PIDD1: variants seen among roughly 807,000 people sequenced by gnomAD.
PIDD1 encodes p53-induced death domain-containing protein 1.
A neutral mutation model predicts 80.0 loss-of-function variants in PIDD1; 72 were observed. The ratio of observed to expected loss-of-function variants is 0.90; its 90% CI spans 0.74 to 1.09. The LOEUF is 1.09. PIDD1 is among the 50% of genes least tolerant of loss of function. The pLI, the probability that PIDD1 is intolerant of heterozygous loss-of-function variation, is 0.00. For synonymous variants in PIDD1, 655 were observed against 543.5 expected (o/e 1.21, Z -2.85); for missense variants, 1,329 against 1,228.3 (o/e 1.08, Z -1.23).
In PIDD1 at chr11:805,164, C is replaced by G; in HGVS notation, c.-76+15G>C. ...GTCCCCGCCGCCCCCTCCGCCCGCC[C>G]AGGCCGGCGCGTACCTGCGCTGCAG... On this transcript the variant is annotated intron_variant, in intron 1 of 15. Transcript: ENST00000347755. 4 of 978,782 alleles carry G rather than the reference C, an allele frequency of 4.1e-6. No individual in the cohort carries two copies. The highest frequency in any genetic ancestry group is 4.9e-6 in the Non-Finnish European group (4 of 823,930). 60.6% of individuals were successfully genotyped at this position (978,782 alleles called of 1,614,324 possible). A position where few individuals can be genotyped will look rare whatever the true frequency, so the allele number is the denominator to read the frequency against.
In PIDD1 at chr11:804,362, C is replaced by CTCTG; in HGVS notation, c.23_26dup (p.Glu9AspfsTer155). The stretch of plus-strand genomic sequence containing the variant: ...CTCCTGCGGCAGCAGCTGCCTCCAG[C>CTCTG]TCTGGCCCCTCCACCGTTGCAGCCA... On this transcript the variant is annotated frameshift_variant, in exon 2 of 16. Coordinates refer to ENST00000347755, the MANE Select transcript of PIDD1 (RefSeq NM_145886.4). LOFTEE classifies it high-confidence loss of function. 6.2e-7 allele frequency: 1 copy of CTCTG among 1,601,832 alleles called. No homozygotes were observed. The highest frequency in any genetic ancestry group is 8.5e-7 in the Non-Finnish European group (1 of 1,172,678).
rs201616490 is a variant in PIDD1 at position 803,416 on chromosome 11, G to C, written c.467C>G (p.Ser156Cys). The C allele has an allele frequency of 8.8e-5, 142 of 1,613,974 alleles. No individual in the cohort carries two copies. Among genetic ancestry groups the C allele is most frequent in the Middle Eastern group, 6.6e-4 (4 of 6,062 alleles). Reference sequence around the variant, plus strand: ...AGGCAGCTCAGAGAGGCAGTTGTGAGACAGCAAGAGCGCACCCAGACCTCG... The same window carrying C: ...AGGCAGCTCAGAGAGGCAGTTGTGACACAGCAAGAGCGCACCCAGACCTCG... ...QMRGLGALLL[S>C]HNCLSELPEA... The change falls in exon 3 of 16, where the codon TCT becomes TGT. Residue 156 changes from serine to cysteine, a missense_variant. Ser to Cys is a moderately radical substitution (Grantham distance 112). Transcript: ENST00000347755.
At chr11:808,772 C>CA (rs916300102), upstream of PIDD1, among the ~76,000 whole-genome samples, 43 of 152,132 alleles carry the variant, frequency 2.8e-4, no homozygotes, top group African/African-American at 9.9e-4. Context: ...TGACCCTGAG[C>CA]AAAAAAACCT....
At position 801,483 on chromosome 11, in the gene PIDD1, G is replaced by T; in HGVS notation, c.1444C>A (p.Pro482Thr). Residue 482 changes from proline to threonine, a missense_variant, in exon 8 of 16, where the codon CCT becomes ACT. Physicochemically the swap from Pro to Thr is conservative, Grantham distance 38 (BLOSUM62 -1). Transcript: ENST00000347755. Reference sequence around the variant, plus strand: ...CGACGAGGCTCCTCAGTGGCCCCAGGGGGGAAGATGACTTTGACCCCAGGA... The same window carrying T: ...CGACGAGGCTCCTCAGTGGCCCCAGTGGGGAAGATGACTTTGACCCCAGGA... ...GHPGVKVIFP[P>T]GATEEPRRVS... 1 of 1,546,798 alleles carries T rather than the reference G, an allele frequency of 6.5e-7. No homozygotes were observed.
In PIDD1 at chr11:802,592, C is replaced by T; in HGVS notation, c.925G>A (p.Ala309Thr). The change falls in exon 5 of 16, where the codon GCC (alanine) becomes ACC (threonine). Residue 309 changes from alanine (A) to threonine (T), a missense_variant. By Grantham distance (58) the Ala-to-Thr change is moderately conservative. Coordinates refer to ENST00000347755, the MANE Select transcript of PIDD1 (RefSeq NM_145886.4). Reference sequence around the variant, plus strand: ...AGTCTGGGCATTTCTGGAATGAGGGCTGCCACTGTGCAGGGGACAGACATG... The same window carrying T: ...AGTCTGGGCATTTCTGGAATGAGGGTTGCCACTGTGCAGGGGACAGACATG... ...SPDAPSSPVA[A>T]LIPEMPRLFL... The T allele has an allele frequency of 1.2e-6, 2 of 1,613,184 alleles. No individual in the cohort carries two copies. The highest frequency in any genetic ancestry group is 1.7e-6 in the Non-Finnish European group (2 of 1,179,698).
At chr11:804,070 G>A in intron 2 of PIDD1, 24 bp downstream of exon 2, 1 of 1,578,688 alleles carries the variant, frequency 6.3e-7, no homozygotes, top group Non-Finnish European at 8.6e-7. Context: ...GATGGAGACA[G>A]GGCCCAGAAC....
Position 802,722 on chromosome 11 carries a change from GTTCC to G in PIDD1, c.875_878del (p.Gly292AlafsTer27). The G allele has an allele frequency of 6.2e-7, 1 of 1,611,960 alleles. No individual in the cohort carries two copies. Among genetic ancestry groups the G allele is most frequent in the Non-Finnish European group, 8.5e-7 (1 of 1,179,492 alleles). On this transcript the variant is annotated frameshift_variant, in exon 4 of 16. Transcript: ENST00000347755. LOFTEE classifies it high-confidence loss of function. ...CGTCTGGCGAGGCCTCACCCAGGGG[GTTCC>G]CCTGCAGGCGCACAAAGGGGGCGTC...
In PIDD1 at chr11:799,921, T is replaced by C. The variant is rs752001855; in HGVS notation, c.2368A>G (p.Ser790Gly). 6 of 1,612,708 alleles carry C rather than the reference T, an allele frequency of 3.7e-6. No individual in the cohort carries two copies. The highest frequency in any genetic ancestry group is 5.1e-6 in the Non-Finnish European group (6 of 1,179,926). ...CGCCCAGCCACACTCAGCAGGTTGC[T>C]CTGCGTCAGAAAGCCGGTCTCGGCA... ...GDAETGFLTQ[S>G]NLLSVAGRLG... The change falls in exon 15 of 16, where the codon AGC becomes GGC. Residue 790 changes from serine (S) to glycine (G), a missense_variant. Coordinates refer to ENST00000347755, the MANE Select transcript of PIDD1 (RefSeq NM_145886.4).
In PIDD1 at chr11:800,850, C is replaced by T. The variant is rs751450823; in HGVS notation, c.1829G>A (p.Arg610Gln). The change falls in exon 11 of 16, where the codon CGG (arginine) becomes CAG (glutamine). Residue 610 changes from arginine to glutamine, a missense_variant. By Grantham distance (43) the Arg-to-Gln change is conservative. Transcript: ENST00000347755. The stretch of plus-strand genomic sequence containing the variant: ...GAGGTTCACACGGTGCAGCCGCAGC[C>T]GCTCCCAGGCCTTCCGAGCCAGGCC... ...VGGLARKAWE[R>Q]LRLHRVNLIA... 1.3e-5 allele frequency: 20 copies of T among 1,573,894 alleles called. 1 individual carries two copies. Among genetic ancestry groups the T allele is most frequent in the Admixed American group, 5.6e-5 (3 of 53,540 alleles).
rs201367408 is a variant in PIDD1, at chr11:801,278, C to T, written c.1570G>A (p.Gly524Ser). ...VSPLLCLSQS[G>S]PPSFLQPVTV... Reference sequence around the variant, plus strand: ...ACCGGTTGGAGGAAGCTGGGGGGACCGCTCTGTGACAGGCACAGCAGGGGG... The same window carrying T: ...ACCGGTTGGAGGAAGCTGGGGGGACTGCTCTGTGACAGGCACAGCAGGGGG... The change falls in exon 9 of 16, where the codon GGT (glycine) becomes AGT (serine). Residue 524 changes from glycine (G) to serine (S), a missense_variant. Coordinates refer to ENST00000347755, the MANE Select transcript of PIDD1 (RefSeq NM_145886.4). 4.1e-5 allele frequency: 65 copies of T among 1,584,124 alleles called. No individual in the cohort carries two copies. Among genetic ancestry groups the T allele is most frequent in the East Asian group, 4.5e-5 (2 of 44,618 alleles).
chr11:809,254 C>T (rs1865933664), upstream of PIDD1, among the ~76,000 whole-genome samples: 1 of 152,248 alleles, frequency 6.6e-6, no homozygotes, highest in Non-Finnish European at 1.5e-5. Context: ...CCACTCAGAC[C>T]TCACTCCTCG....
At chr11:799,738 G>A in intron 15 of PIDD1, 77 bp downstream of exon 15, 1 of 1,390,746 alleles carries the variant, frequency 7.2e-7, no homozygotes, top group Non-Finnish European at 9.5e-7. Context: ...AGAAACTTCT[G>A]TCAGAATCAG....
Position 800,921 on chromosome 11 carries a change from G to T in PIDD1, c.1767-9C>A, listed in dbSNP as rs11821816. 8,582 of 1,594,182 alleles carry T rather than the reference G, an allele frequency of 5.4e-3. 403 individuals carry two copies. The African/African-American group carries it at 0.099, about 18-fold the overall frequency. ...TGTACCAGAGCCAGTACCTGGGAGA[G>T]CTGGGGGTGAGGAGGGCTGTACAGA... On this transcript the variant is annotated splice_polypyrimidine_tract_variant and intron_variant, in intron 10 of 15. Coordinates refer to ENST00000347755, the MANE Select transcript of PIDD1 (RefSeq NM_145886.4).
In PIDD1 at chr11:802,803, G is replaced by A; in HGVS notation, c.798C>T (p.Thr266=). The change falls in exon 4 of 16, where the codon ACC becomes ACT. Residue 266 remains threonine, a synonymous_variant. Coordinates refer to ENST00000347755, the MANE Select transcript of PIDD1 (RefSeq NM_145886.4). The part of the protein sequence containing the change: ...PADLARLPLL[T]RLDLRDNQLR... ...GCTGGTTGTCCCTCAGGTCGAGCCG[G>A]GTGAGGAGTGGAAGGCGGGCCAAGT... 1.9e-6 allele frequency: 3 copies of A among 1,604,216 alleles called. No homozygotes were observed. The highest frequency in any genetic ancestry group is 2.6e-6 in the Non-Finnish European group (3 of 1,176,136).
upstream of PIDD1, chr11:805,269 G>T (rs897935015): frequency 4.1e-6 from 4 of 968,750 alleles, no homozygotes; most frequent in Admixed American, 6.2e-5. Context: ...GGCGGGGACT[G>T]CAGACCCCGC....
rs1250658433 is a variant in PIDD1, at chr11:802,348, G to C, written c.1023C>G (p.Val341=). 1.2e-6 allele frequency: 2 copies of C among 1,611,838 alleles called. No homozygotes were observed. The highest frequency in any genetic ancestry group is 2.2e-5 in the South Asian group (2 of 91,068). The change falls in exon 6 of 16, where the codon GTC becomes GTG. Residue 341 remains valine, a synonymous_variant. Coordinates refer to ENST00000347755, the MANE Select transcript of PIDD1 (RefSeq NM_145886.4). ...TGGCTCCCGCTGGGAACTGCAGGCGGACGCCACAGGCCAGGGTCACTGAGC... is the reference window on the plus strand; with the variant it reads ...TGGCTCCCGCTGGGAACTGCAGGCGCACGCCACAGGCCAGGGTCACTGAGC... ...QGCSVTLACG[V]RLQFPAGATA...
chr11:800,694 C>G, intron 11 of PIDD1, 28 bp from the exon 12 acceptor site: 2 of 1,564,174 alleles, frequency 1.3e-6, no homozygotes, highest in Non-Finnish European at 1.7e-6. Flanking sequence ...CAGCTCAGGA[C>G]CCAAAGCTCT....
intron 8 of PIDD1, 30 bp from the exon 9 acceptor site, chr11:801,395 C>T: frequency 6.3e-7 from 1 of 1,595,260 alleles, no homozygotes; most frequent in East Asian, 2.2e-5. Context: ...TGAGCACCTG[C>T]CTGTGGGCTG....
In PIDD1 at chr11:802,347, G is replaced by T; in HGVS notation, c.1024C>A (p.Arg342Ser). The T allele has an allele frequency of 6.2e-7, 1 of 1,611,766 alleles. No individual in the cohort carries two copies. Among genetic ancestry groups the T allele is most frequent in the East Asian group, 2.2e-5 (1 of 44,876 alleles). ...GTGGCTCCCGCTGGGAACTGCAGGC[G>T]GACGCCACAGGCCAGGGTCACTGAG... ...GCSVTLACGV[R>S]LQFPAGATAT... The change falls in exon 6 of 16, where the codon CGC (arginine) becomes AGC (serine). Residue 342 changes from arginine to serine, a missense_variant. Physicochemically the swap from Arg to Ser is moderately radical, Grantham distance 110. Transcript: ENST00000347755.
Sources: gnomAD v4.1 joint callset for allele counts (sites outside exome capture counted in the v4.1 genomes callset) on GRCh38, gnomAD v4.1.1 for gene constraint, MANE v1.5 for transcripts, NCBI Gene and HGNC (gene_info 2026-07-23, HGNC 2026-07-21) for gene names.